Variants in CRMP1 observed in about 807,000 individuals in gnomAD.
CRMP1 encodes the protein dihydropyrimidinase-related protein 1.
CRMP1 carries 19 observed loss-of-function variants against 68.3 expected under a neutral mutation model. That is an observed-to-expected ratio of 0.28 (90% confidence interval 0.19 to 0.41). CRMP1 has a LOEUF of 0.41. CRMP1 is among the 10% of genes least tolerant of loss of function. The probability of loss-of-function intolerance (pLI) is 1.00; values close to 1 mark genes in which losing one functional copy is unlikely to be tolerated. For synonymous variants in CRMP1, 439 were observed against 399.6 expected, an observed-to-expected ratio of 1.10 and a Z score of -1.18; for missense variants, 791 against 967.4, an observed-to-expected ratio of 0.82 and a Z score of 2.42.
At chr4:5,857,064 C>A (rs556024753) in intron 3 of CRMP1, among the ~76,000 whole-genome samples, 78 of 148,470 alleles carry the variant, frequency 5.3e-4, no homozygotes, top group African/African-American at 1.9e-3. Flanking sequence ...ATCATTATCA[C>A]CCCACCATCA....
At chr4:5,824,830 C>T (rs539811849) in intron 13 of CRMP1, 8 of 985,398 alleles carry the variant, frequency 8.1e-6, no homozygotes, top group Admixed American at 1.2e-4. Flanking sequence ...ACTTTCTCAA[C>T]GTGTGCGTGC....
intron 1 of CRMP1, among the ~76,000 whole-genome samples, chr4:5,876,920 C>T (rs1714882519): frequency 2.0e-5 from 3 of 152,198 alleles, no homozygotes; most frequent in African/African-American, 7.2e-5. Flanking sequence ...AATTTCAACA[C>T]AGACCCTCTG....
intron 11 of CRMP1, among the ~76,000 whole-genome samples, chr4:5,832,079 C>A (rs971752809): frequency 6.6e-6 from 1 of 152,162 alleles, no homozygotes; most frequent in African/African-American, 2.4e-5. Context: ...ACATAAAAGG[C>A]CACATATTGG....
chr4:5,821,837 CATCT>C lies in CRMP1; in HGVS notation c.1980_1983del (p.Ile660MetfsTer36). The C allele has an allele frequency of 6.3e-7, 1 of 1,589,510 alleles. No homozygotes were observed. The highest frequency in any genetic ancestry group is 8.5e-7 in the Non-Finnish European group (1 of 1,170,918). On this transcript the variant is annotated frameshift_variant, in exon 14 of 14. Transcript: ENST00000324989. LOFTEE classifies it high-confidence loss of function. This position sits in a 1 kb window ranked among gnomAD's most constrained non-coding sequence, Gnocchi z 4.4. ...TGGCCGGTGCGCCTGGGATTGTTGT[CATCT>C]ATCTGGGCACCTGAAAGAGAGCGCC...
chr4:5,832,546 A>C (rs1251013416), intron 11 of CRMP1, among the ~76,000 whole-genome samples: 1 of 152,252 alleles, frequency 6.6e-6, no homozygotes, highest in Non-Finnish European at 1.5e-5. Context: ...ACATATAAAA[A>C]CAAAACGAAC....
chr4:5,837,650 T>TAAAATA (rs1553903977), intron 9 of CRMP1, among the ~76,000 whole-genome samples: 4 of 134,822 alleles, frequency 3.0e-5, no homozygotes, highest in Non-Finnish European at 6.2e-5. Context: ...TAAAATAAAA[T>TAAAATA]AATAAAATAA....
intron 4 of CRMP1, among the ~76,000 whole-genome samples, chr4:5,852,790 A>G (rs957215981): frequency 2.0e-5 from 3 of 151,380 alleles, no homozygotes; most frequent in Non-Finnish European, 4.4e-5. Context: ...GATGATCCCT[A>G]TGTGGGGGAT....
rs907167359 is a variant in CRMP1, at chr4:5,854,504, C to G, written c.820+1639G>C. Among the ~76,000 whole-genome samples, 1 of 150,870 alleles carries G rather than the reference C, an allele frequency of 6.6e-6. No homozygotes were observed. Among genetic ancestry groups the G allele is most frequent in the Non-Finnish European group, 1.5e-5 (1 of 67,834 alleles). On this transcript the variant is annotated intron_variant, in intron 4 of 13. Coordinates refer to ENST00000324989, the MANE Select transcript of CRMP1 (RefSeq NM_001014809.3). This position sits in a 1 kb window ranked among gnomAD's most constrained non-coding sequence, Gnocchi z 4.0. Reference sequence around the variant, plus strand: ...AAGCAATCCTCCCTCCTCAGCCTCCCGAAGTGCTAGGATTACAGGCATGAG... The same window carrying G: ...AAGCAATCCTCCCTCCTCAGCCTCCGGAAGTGCTAGGATTACAGGCATGAG...
rs1337678244 is a variant in CRMP1 at position 5,870,550 on chromosome 4, T to G, written c.382-3794A>C. Among the ~76,000 whole-genome samples, 3 of 152,202 alleles carry G rather than the reference T, an allele frequency of 2.0e-5. No homozygotes were observed. Among genetic ancestry groups the G allele is most frequent in the Non-Finnish European group, 4.4e-5 (3 of 68,032 alleles). On this transcript the variant is annotated intron_variant, in intron 1 of 13. Coordinates refer to ENST00000324989, the MANE Select transcript of CRMP1 (RefSeq NM_001014809.3). The surrounding 1 kb of genome is among the most constrained non-coding windows in gnomAD (Gnocchi z 6.0). ...CTTCACTGCTGTCTCTCCGGCATCTTGGACACAGCCTGGCTGGCTGCCTGG... is the reference window on the plus strand; with the variant it reads ...CTTCACTGCTGTCTCTCCGGCATCTGGGACACAGCCTGGCTGGCTGCCTGG...
intron 11 of CRMP1, among the ~76,000 whole-genome samples, chr4:5,828,959 C>G (rs1395683484): frequency 6.6e-6 from 1 of 152,090 alleles, no homozygotes; most frequent in African/African-American, 2.4e-5. Context: ...AATGTGGCTG[C>G]TTTGACTGTA....
chr4:5,863,113 TC>T (rs1325777093), intron 2 of CRMP1, among the ~76,000 whole-genome samples: 1 of 112,618 alleles, frequency 8.9e-6, no homozygotes, highest in East Asian at 4.0e-4. Context: ...TTTCTTTTTT[TC>T]CTTTTTTTTT....
rs1715940864 is a variant in CRMP1 at position 5,891,300 on chromosome 4, G to A, written c.381+1289C>T. ...CAACAGCCCGCCCGCGAAGGGATGG[G>A]GCCCGAAGAGGCCCACCACCGTGTT... On this transcript the variant is annotated intron_variant, in intron 1 of 13. Coordinates refer to ENST00000324989, the MANE Select transcript of CRMP1 (RefSeq NM_001014809.3). The surrounding 1 kb of genome is among the most constrained non-coding windows in gnomAD (Gnocchi z 5.2). Among the ~76,000 whole-genome samples, 1 of 151,598 alleles carries A rather than the reference G, an allele frequency of 6.6e-6. No individual in the cohort carries two copies. Among genetic ancestry groups the A allele is most frequent in the South Asian group, 2.1e-4 (1 of 4,764 alleles).
rs973270933 is a variant in CRMP1, at chr4:5,842,903, C to T, written c.1032+190G>A. On this transcript the variant is annotated intron_variant, in intron 7 of 13. Transcript: ENST00000324989. The surrounding 1 kb of genome is among the most constrained non-coding windows in gnomAD (Gnocchi z 4.5). ...TGAAGTTCCAGGACCCTGGGAGAGG[C>T]AGCACCTCTTCCTGTCTTCTCCAGC... 6.6e-6 allele frequency among the ~76,000 whole-genome samples: 1 copy of T among 152,166 alleles called. No individual in the cohort carries two copies. The highest frequency in any genetic ancestry group is 2.4e-5 in the African/African-American group (1 of 41,428).
At chr4:5,829,700 G>T (rs1720215369) in intron 11 of CRMP1, among the ~76,000 whole-genome samples, 1 of 152,054 alleles carries the variant, frequency 6.6e-6, no homozygotes, top group Non-Finnish European at 1.5e-5. Context: ...CTTTACCTCA[G>T]CAATTGTTCC....
At chr4:5,823,446 A>G (rs542758999) in intron 13 of CRMP1, among the ~76,000 whole-genome samples, 4 of 152,340 alleles carry the variant, frequency 2.6e-5, no homozygotes, top group African/African-American at 9.6e-5. Context: ...CCTGCTGGAA[A>G]AAAGGACACT....
rs1715901064 is a variant in CRMP1, at chr4:5,890,650, G to A, written c.381+1939C>T. Among the ~76,000 whole-genome samples the A allele has an allele frequency of 6.6e-6, 1 of 152,238 alleles. No individual in the cohort carries two copies. The highest frequency in any genetic ancestry group is 2.4e-5 in the African/African-American group (1 of 41,470). ...CTGCCTTTTGTCCGGTGCCTGAGAA[G>A]CCATGGAGAAAGGCAGAGGGGACCA... On this transcript the variant is annotated intron_variant, in intron 1 of 13. Transcript: ENST00000324989. This position sits in a 1 kb window ranked among gnomAD's most constrained non-coding sequence, Gnocchi z 5.5.
In CRMP1 at chr4:5,891,981, G is replaced by A. The variant is rs543408978; in HGVS notation, c.381+608C>T. Among the ~76,000 whole-genome samples, 1 of 152,314 alleles carries A rather than the reference G, an allele frequency of 6.6e-6. No individual in the cohort carries two copies. Among genetic ancestry groups the A allele is most frequent in the South Asian group, 2.1e-4 (1 of 4,826 alleles). ...GTGCCCCTTGAATCTACTGGCGCTT[G>A]AGGGTAGGGGTTTACGGCTCCAACT... On this transcript the variant is annotated intron_variant, in intron 1 of 13. Transcript: ENST00000324989. The surrounding 1 kb of genome is among the most constrained non-coding windows in gnomAD (Gnocchi z 5.2).
chr4:5,876,694 G>A (rs1714859273), intron 1 of CRMP1, among the ~76,000 whole-genome samples: 1 of 152,148 alleles, frequency 6.6e-6, no homozygotes, highest in South Asian at 2.1e-4. Flanking sequence ...TGTTGAAGCT[G>A]ATATTCGCAA....
Position 5,860,046 on chromosome 4 carries a change from TGGA to T in CRMP1, c.655+977_655+979del, listed in dbSNP as rs1159175957. On this transcript the variant is annotated intron_variant, in intron 3 of 13. Coordinates refer to ENST00000324989, the MANE Select transcript of CRMP1 (RefSeq NM_001014809.3). The surrounding 1 kb of genome is among the most constrained non-coding windows in gnomAD (Gnocchi z 4.2). ...ACAGCCATCGGGCTGCACAGGGCAA[TGGA>T]GGAGGAGTCCAGTTTCCCAGACCGA... is the stretch of plus-strand genomic sequence containing the variant. Among the ~76,000 whole-genome samples the T allele has an allele frequency of 1.3e-5, 2 of 151,936 alleles. No individual in the cohort carries two copies. Among genetic ancestry groups the T allele is most frequent in the Non-Finnish European group, 2.9e-5 (2 of 68,000 alleles).
Sources: allele counts gnomAD v4.1 joint callset (sites outside exome capture counted in the v4.1 genomes callset), GRCh38; gene constraint gnomAD v4.1.1; non-coding constraint Gnocchi (gnomAD v3.1); transcripts MANE v1.5; gene names NCBI Gene and HGNC (gene_info 2026-07-23, HGNC 2026-07-21).